Variants in PGS1 observed in about 807,000 individuals in gnomAD.
PGS1 encodes phosphatidylglycerophosphate synthase 1.
In PGS1, 44 loss-of-function variants were observed where a neutral mutation model predicts 58.3. The observed-to-expected ratio is 0.75, with a 90% CI of 0.59 to 0.97. The LOEUF is 0.97. Among genes scored for constraint, PGS1 ranks in the 50% least tolerant of loss-of-function variants. The pLI is 0.00. For synonymous variants in PGS1, 330 were observed against 311.0 expected (o/e 1.06, Z -0.64); for missense variants, 684 against 731.1 (o/e 0.94, Z 0.74).
intron 9 of PGS1, chr17:78,423,818 T>G (rs2086208917): frequency 6.7e-7 from 1 of 1,496,488 alleles, no homozygotes. Flanking sequence ...CACCACCAGT[T>G]CCTGTAAAGA....
At chr17:78,389,199 T>C (rs1230971739) in intron 1 of PGS1, among the ~76,000 whole-genome samples, 1 of 151,594 alleles carries the variant, frequency 6.6e-6, no homozygotes, top group African/African-American at 2.4e-5. Flanking sequence ...CTAATTTTTT[T>C]TTTTTGAGAC....
At chr17:78,401,725 C>T (rs1244816177) in intron 6 of PGS1, among the ~76,000 whole-genome samples, 1 of 152,190 alleles carries the variant, frequency 6.6e-6, no homozygotes, top group Non-Finnish European at 1.5e-5. Context: ...TGATGCTCTG[C>T]CTGCCGCCAT....
intron 7 of PGS1, among the ~76,000 whole-genome samples, chr17:78,407,076 C>T (rs1049679882): frequency 1.3e-5 from 2 of 151,946 alleles, no homozygotes; most frequent in African/African-American, 2.4e-5. Flanking sequence ...GGTGTTGGGT[C>T]GGGGCGGGGG....
At chr17:78,391,782 C>T (rs920510557) in intron 1 of PGS1, among the ~76,000 whole-genome samples, 1 of 152,018 alleles carries the variant, frequency 6.6e-6, no homozygotes, top group Non-Finnish European at 1.5e-5. Context: ...CCAGCCTGCC[C>T]AGCTAATTTT....
intron 8 of PGS1, among the ~76,000 whole-genome samples, chr17:78,418,132 G>A (rs558764862): frequency 1.3e-5 from 2 of 151,926 alleles, no homozygotes; most frequent in Admixed American, 6.6e-5. Flanking sequence ...GTTTAATCAC[G>A]TTGGCCAGGC....
chr17:78,388,827 A>G (rs762530805), intron 1 of PGS1, among the ~76,000 whole-genome samples: 1 of 151,538 alleles, frequency 6.6e-6, no homozygotes, highest in Non-Finnish European at 1.5e-5. Flanking sequence ...CTATTTGGAC[A>G]TTGATTTAAT....
At chr17:78,384,549 G>A (rs918453137) in intron 1 of PGS1, among the ~76,000 whole-genome samples, 1 of 152,124 alleles carries the variant, frequency 6.6e-6, no homozygotes, top group Non-Finnish European at 1.5e-5. Flanking sequence ...GTTTTGTACA[G>A]ATTTGGATGG....
At chr17:78,407,609 C>T (rs912855176) in intron 7 of PGS1, among the ~76,000 whole-genome samples, 2 of 152,262 alleles carry the variant, frequency 1.3e-5, no homozygotes, top group Non-Finnish European at 2.9e-5. Flanking sequence ...CTCCCTTACT[C>T]AGGTCCTGTA....
At chr17:78,389,406 C>T (rs562833866) in intron 1 of PGS1, among the ~76,000 whole-genome samples, 2 of 151,374 alleles carry the variant, frequency 1.3e-5, no homozygotes, top group Admixed American at 6.6e-5. Flanking sequence ...AGGCTGTTCT[C>T]GAACTGCTAA....
intron 7 of PGS1, among the ~76,000 whole-genome samples, chr17:78,413,314 G>A (rs1011600381): frequency 1.3e-5 from 2 of 152,198 alleles, no homozygotes; most frequent in Non-Finnish European, 2.9e-5. Flanking sequence ...TACATACTGT[G>A]TTGACTCGCC....
chr17:78,418,303 CGG>C (rs1055590471), intron 8 of PGS1, among the ~76,000 whole-genome samples: 21 of 152,082 alleles, frequency 1.4e-4, no homozygotes, highest in South Asian at 4.2e-4. Context: ...TTAAGAAAAA[CGG>C]AAAGAAACTA....
intron 6 of PGS1, among the ~76,000 whole-genome samples, chr17:78,403,242 C>T (rs1567974626): frequency 6.6e-6 from 1 of 151,686 alleles, no homozygotes; most frequent in Non-Finnish European, 1.5e-5. Flanking sequence ...AGGAATTATC[C>T]CAAAGGTAAC....
At position 78,403,905 on chromosome 17, in the gene PGS1, C is replaced by T. The variant is rs776381811; in HGVS notation, c.1218C>T (p.Tyr406=). 2.7e-5 allele frequency: 43 copies of T among 1,614,178 alleles called. No individual in the cohort carries two copies. Among genetic ancestry groups the T allele is most frequent in the Non-Finnish European group, 3.6e-5 (43 of 1,179,986 alleles). ...MDLVLGTRAE[Y]QILLASPEVN... ...TGGTCTTGGGCACTCGGGCTGAGTA[C>T]CAGATCCTGCTGGCCTCACCAGAGG... Residue 406 remains tyrosine (Y), a synonymous_variant, in exon 7 of 10, where the codon TAC becomes TAT. Coordinates refer to ENST00000262764, the MANE Select transcript of PGS1 (RefSeq NM_024419.5).
In PGS1 at chr17:78,383,382, A is replaced by G. The variant is rs560232944; in HGVS notation, c.143+4574A>G. On this transcript the variant is annotated intron_variant, in intron 1 of 9. Transcript: ENST00000262764. ...GCTGGGATTACAGGCATGTGCCACCACGCCCATCTAATTTTGTATTTTTAG... is the reference window on the plus strand; with the variant it reads ...GCTGGGATTACAGGCATGTGCCACCGCGCCCATCTAATTTTGTATTTTTAG... 1.9e-3 allele frequency among the ~76,000 whole-genome samples: 282 copies of G among 151,848 alleles called. 1 individual carries two copies. The highest frequency in any genetic ancestry group is 6.6e-3 in the African/African-American group (272 of 41,362).
At chr17:78,418,361 C>T (rs4246438) in intron 8 of PGS1, among the ~76,000 whole-genome samples, 150,469 of 152,360 alleles carry the variant, frequency 0.99, 74,334 homozygotes, top group East Asian at 1. Flanking sequence ...GATGATTGGC[C>T]GCCTGCCTTC....
At chr17:78,383,838 C>T (rs1305573872) in intron 1 of PGS1, among the ~76,000 whole-genome samples, 1 of 152,138 alleles carries the variant, frequency 6.6e-6, no homozygotes, top group African/African-American at 2.4e-5. Flanking sequence ...TGTGAGTATC[C>T]CTGAGCACGT....
At chr17:78,413,853 C>T (rs1365348551) in intron 7 of PGS1, among the ~76,000 whole-genome samples, 1 of 152,254 alleles carries the variant, frequency 6.6e-6, no homozygotes, top group African/African-American at 2.4e-5. Flanking sequence ...TCTCAGGTAA[C>T]ACGTCAGTAT....
At chr17:78,422,572 G>A (rs1056814777) in intron 9 of PGS1, among the ~76,000 whole-genome samples, 10 of 125,976 alleles carry the variant, frequency 7.9e-5, no homozygotes, top group African/African-American at 2.5e-4. Flanking sequence ...ATCATGCCTC[G>A]CTGCGTACTT....
intron 6 of PGS1, among the ~76,000 whole-genome samples, 197 bp from the exon 7 acceptor site, chr17:78,403,371 G>A (rs2083849396): frequency 6.6e-6 from 1 of 152,160 alleles, no homozygotes; most frequent in African/African-American, 2.4e-5. Context: ...CTGTGGACCA[G>A]GCCCTTGTCT....
Sources: gnomAD v4.1 joint callset for allele counts (sites outside exome capture counted in the v4.1 genomes callset) on GRCh38, gnomAD v4.1.1 for gene constraint, MANE v1.5 for transcripts, NCBI Gene and HGNC (gene_info 2026-07-23, HGNC 2026-07-21) for gene names.